The following RTKN2 variants were observed in gnomAD, a reference collection of about 807,000 sequenced individuals.
The protein encoded by RTKN2 is rhotekin-2.
In RTKN2, 69 loss-of-function variants were observed where a neutral mutation model predicts 71.5. That is an observed-to-expected ratio of 0.96 (90% CI 0.79 to 1.18). The LOEUF (loss-of-function observed/expected upper bound fraction) is 1.18. Ranked by LOEUF, RTKN2 falls within the 50% of genes most tolerant of loss-of-function variation. The probability of loss-of-function intolerance (pLI) is 0.00; values close to 1 mark genes in which losing one functional copy is unlikely to be tolerated. For synonymous variants in RTKN2, 236 were observed against 236.5 expected, an observed-to-expected ratio of 1.00 and a Z score of 0.02; for missense variants, 724 against 719.7, an observed-to-expected ratio of 1.01 and a Z score of -0.07.
At chr10:62,241,593 T>G (rs1425763086) in intron 3 of RTKN2, among the ~76,000 whole-genome samples, 1 of 152,114 alleles carries the variant, frequency 6.6e-6, no homozygotes, top group African/African-American at 2.4e-5. Context: ...CTTTTTTTTG[T>G]TTTTTGACAG....
chr10:62,202,846 C>T (rs1352745556), intron 10 of RTKN2, among the ~76,000 whole-genome samples: 2 of 152,136 alleles, frequency 1.3e-5, no homozygotes, highest in Non-Finnish European at 2.9e-5. Context: ...TTTACCTCTC[C>T]TCCTGTTTTT....
intron 3 of RTKN2, among the ~76,000 whole-genome samples, chr10:62,243,033 G>A (rs1028033059): frequency 6.6e-6 from 1 of 151,774 alleles, no homozygotes; most frequent in Non-Finnish European, 1.5e-5. Flanking sequence ...TGCACGACGT[G>A]CAGGTTTGTT....
intron 1 of RTKN2, among the ~76,000 whole-genome samples, 194 bp from the exon 2 acceptor site, chr10:62,263,015 T>C (rs1432787367): frequency 1.3e-5 from 2 of 152,218 alleles, no homozygotes; most frequent in African/African-American, 2.4e-5. Flanking sequence ...AGGAAGTCTT[T>C]ACAATCTAAA....
Position 62,268,730 on chromosome 10 carries a change from G to T in RTKN2, c.-120C>A. ...CGGCCGTACCAAGTCCCAGTCGCAG[G>T]GGCCGGGGGCGCAGGAGGAGCCGGG... On this transcript the variant is annotated 5_prime_UTR_variant, in exon 1 of 12. Coordinates refer to ENST00000373789, the MANE Select transcript of RTKN2 (RefSeq NM_145307.4). 9.5e-7 allele frequency: 1 copy of T among 1,050,894 alleles called. No homozygotes were observed. Among genetic ancestry groups the T allele is most frequent in the Non-Finnish European group, 1.4e-6 (1 of 732,912 alleles). The allele number at this position is 1,050,894 out of a possible 1,614,324, so 65.1% of individuals were successfully genotyped here.
chr10:62,192,616 G>A (rs987314195), downstream of RTKN2, among the ~76,000 whole-genome samples: 6 of 152,188 alleles, frequency 3.9e-5, no homozygotes, highest in Non-Finnish European at 8.8e-5. Flanking sequence ...CTTCAATTGG[G>A]AGCAGCTGAA....
rs1006960178 is a variant in RTKN2 at position 62,195,110 on chromosome 10, C to T, written c.*2798G>A. ...AATTAAAAATAATACTATCTTAATG[C>T]TGACTACGTAATTTATATCCCAGAG... On this transcript the variant is annotated 3_prime_UTR_variant, in exon 12 of 12. Transcript: ENST00000373789. 19 of 980,754 alleles carry T rather than the reference C, an allele frequency of 1.9e-5. No homozygotes were observed. In the African/African-American group the frequency reaches 3.2e-4, roughly 16 times the overall value. The allele number at this position is 980,754 out of a possible 1,614,324, so 60.8% of individuals were successfully genotyped here.
chr10:62,210,678 A>T (rs574087705), intron 9 of RTKN2, among the ~76,000 whole-genome samples: 48 of 152,304 alleles, frequency 3.2e-4, no homozygotes, highest in Middle Eastern at 3.4e-3. Flanking sequence ...GGATATCTTC[A>T]TGTATACGAC....
intron 3 of RTKN2, among the ~76,000 whole-genome samples, chr10:62,245,293 TATAG>T (rs1312396014): frequency 2.0e-5 from 3 of 152,088 alleles, no homozygotes; most frequent in African/African-American, 4.8e-5. Context: ...TTATATTATA[TATAG>T]ATAAACAAAC....
At chr10:62,255,450 T>C (rs1454801264) in intron 2 of RTKN2, among the ~76,000 whole-genome samples, 1 of 152,182 alleles carries the variant, frequency 6.6e-6, no homozygotes, top group African/African-American at 2.4e-5. Flanking sequence ...AAGAGATTCT[T>C]AGTGACTATA....
At chr10:62,218,901 G>A (rs1403000598) in intron 7 of RTKN2, among the ~76,000 whole-genome samples, 1 of 152,068 alleles carries the variant, frequency 6.6e-6, no homozygotes. Context: ...CCGAAGAATC[G>A]CTTGAGCCCA....
chr10:62,186,041 G>C (rs1404641538), intron 8 of RTKN2, among the ~76,000 whole-genome samples: 1 of 152,230 alleles, frequency 6.6e-6, no homozygotes, highest in African/African-American at 2.4e-5. Context: ...AAGTAGCAAG[G>C]CTAGGATTTG....
intron 4 of RTKN2, 43 bp from the exon 5 acceptor site, chr10:62,239,808 T>A (rs747539139): frequency 2.2e-6 from 2 of 915,728 alleles, no homozygotes; most frequent in South Asian, 2.9e-5. Flanking sequence ...ATCCATGTAA[T>A]AAATCATTGT....
chr10:62,208,102 T>C (rs756867501), intron 9 of RTKN2, among the ~76,000 whole-genome samples: 112 of 152,152 alleles, frequency 7.4e-4, no homozygotes, highest in Non-Finnish European at 1.3e-3. Flanking sequence ...AAACATAAAC[T>C]GGGAAGTCAA....
In RTKN2 at chr10:62,262,714, C is replaced by A. The variant is rs775332409; in HGVS notation, c.168G>T (p.Lys56Asn). The A allele has an allele frequency of 4.3e-6, 7 of 1,613,440 alleles. No individual in the cohort carries two copies. The highest frequency in any genetic ancestry group is 5.9e-6 in the Non-Finnish European group (7 of 1,179,486). ...TQKDQVLHAVKNLMVCNARLM... is the reference protein window; with the variant it reads ...TQKDQVLHAVNNLMVCNARLM... ...GTCGAGCATTGCACACCATGAGATT[C>A]TTAACTGCATGTAAAACTTGATCTT... The change falls in exon 2 of 12, where the codon AAG (lysine) becomes AAT (asparagine). Residue 56 changes from lysine (K) to asparagine (N), a missense_variant. Transcript: ENST00000373789.
In RTKN2 at chr10:62,217,208, A is replaced by G; in HGVS notation, c.930T>C (p.Cys310=). The G allele has an allele frequency of 6.2e-7, 1 of 1,601,330 alleles. No homozygotes were observed. Among genetic ancestry groups the G allele is most frequent in the Non-Finnish European group, 8.5e-7 (1 of 1,173,942 alleles). ...AATAGAGTTTACCTCCTCGCAAAAC[A>G]CAATACAACCTTCTCCAACTAATCA... ...EGLISWRRLY[C]VLRGGKLYCF... is the part of the protein sequence containing the mutation. The change falls in exon 9 of 12, where the codon TGT becomes TGC. Residue 310 remains cysteine, a synonymous_variant. Transcript: ENST00000373789.
At chr10:62,239,861 T>C in intron 4 of RTKN2, 96 bp from the exon 5 acceptor site, 1 of 683,314 alleles carries the variant, frequency 1.5e-6, no homozygotes, top group Non-Finnish European at 2.6e-6. Context: ...ATATTATTAA[T>C]AGATTCTTTT....
At chr10:62,187,767 T>C (rs948971666) in intron 8 of RTKN2, among the ~76,000 whole-genome samples, 1 of 152,252 alleles carries the variant, frequency 6.6e-6, no homozygotes, top group African/African-American at 2.4e-5. Context: ...ATTTACAGGC[T>C]GCTTTTCTTC....
At chr10:62,219,976 T>C (rs766412061) in intron 7 of RTKN2, among the ~76,000 whole-genome samples, 2 of 152,182 alleles carry the variant, frequency 1.3e-5, no homozygotes, top group Non-Finnish European at 2.9e-5. Flanking sequence ...ACCAAACATA[T>C]GGCCCTTAGT....
intron 2 of RTKN2, among the ~76,000 whole-genome samples, chr10:62,256,292 G>C (rs1842673868): frequency 6.6e-6 from 1 of 152,110 alleles, no homozygotes. Context: ...CAAAGTCTTG[G>C]GATTACAGGC....
Sources: gnomAD v4.1 joint callset for allele counts (sites outside exome capture counted in the v4.1 genomes callset) on GRCh38, gnomAD v4.1.1 for gene constraint, MANE v1.5 for transcripts, NCBI Gene and HGNC (gene_info 2026-07-23, HGNC 2026-07-21) for gene names.